The following CCDC7 variants were observed in gnomAD, a reference collection of about 807,000 sequenced individuals.
CCDC7 encodes coiled-coil domain-containing protein 7.
CCDC7 carries 183 observed loss-of-function variants against 196.9 expected under a neutral mutation model. The observed-to-expected ratio is 0.93, with a 90% CI of 0.82 to 1.05. CCDC7 has a LOEUF of 1.05. Among genes scored for constraint, CCDC7 ranks in the 50% least tolerant of loss-of-function variants. CCDC7 has a pLI of 0.00. For synonymous variants in CCDC7, 525 were observed against 484.6 expected, an observed-to-expected ratio of 1.08 and a Z score of -1.10; for missense variants, 1,540 against 1,482.2, an observed-to-expected ratio of 1.04 and a Z score of -0.64.
At chr10:32,572,012 A>G (rs181327116) in intron 16 of CCDC7, 119 bp downstream of exon 17, 1 of 949,020 alleles carries the variant, frequency 1.1e-6, no homozygotes, top group South Asian at 4.4e-5. Context: ...AACTAATTTT[A>G]AGTAGAAAAT....
At chr10:32,535,779 T>C (rs2050388261) in intron 11 of CCDC7, among the ~76,000 whole-genome samples, 1 of 152,202 alleles carries the variant, frequency 6.6e-6, no homozygotes, top group African/African-American at 2.4e-5. Flanking sequence ...AGATATTACG[T>C]TAATTACGTT....
intron 37 of CCDC7, among the ~76,000 whole-genome samples, chr10:32,847,489 A>T (rs1317120273): frequency 1.3e-5 from 2 of 152,140 alleles, no homozygotes; most frequent in Non-Finnish European, 2.9e-5. Context: ...AAGGAAGGTA[A>T]CAGAGATATC....
At chr10:32,800,529 A>C (rs971656577) in intron 29 of CCDC7, among the ~76,000 whole-genome samples, 3 of 152,148 alleles carry the variant, frequency 2.0e-5, no homozygotes, top group African/African-American at 7.2e-5. Flanking sequence ...GGAGGATCAC[A>C]ATAACATTTT....
chr10:32,521,375 C>T (rs2047860924), intron 11 of CCDC7, among the ~76,000 whole-genome samples: 1 of 151,908 alleles, frequency 6.6e-6, no homozygotes, highest in Non-Finnish European at 1.5e-5. Flanking sequence ...ATTTCAATTT[C>T]TTTCATCAGT....
intron 3 of CCDC7, among the ~76,000 whole-genome samples, chr10:32,457,405 C>T (rs991162993): frequency 3.3e-5 from 5 of 151,902 alleles, no homozygotes; most frequent in African/African-American, 1.2e-4. Context: ...CCCTATATGC[C>T]ACATTTTCTT....
At chr10:32,551,857 T>C (rs927758193) in intron 13 of CCDC7, among the ~76,000 whole-genome samples, 3 of 152,190 alleles carry the variant, frequency 2.0e-5, no homozygotes, top group Non-Finnish European at 2.9e-5. Context: ...CGCTGTTGAA[T>C]AGAATGTGTA....
intron 13 of CCDC7, 105 bp downstream of exon 14, chr10:32,544,406 C>CTG (rs913040984): frequency 1.5e-4 from 170 of 1,164,310 alleles, no homozygotes; most frequent in Middle Eastern, 6.4e-4. Flanking sequence ...GTATATATGT[C>CTG]TGTGTGTGTG....
At chr10:32,649,445 C>G (rs1274322495) in intron 20 of CCDC7, among the ~76,000 whole-genome samples, 1 of 152,186 alleles carries the variant, frequency 6.6e-6, no homozygotes, top group Non-Finnish European at 1.5e-5. Flanking sequence ...CTAGCTGCCT[C>G]TAAGGATTTT....
chr10:32,745,821 A>T (rs1249569669), intron 28 of CCDC7, among the ~76,000 whole-genome samples: 1 of 152,188 alleles, frequency 6.6e-6, no homozygotes, highest in Non-Finnish European at 1.5e-5. Context: ...CACCTTGAAA[A>T]TATTGTCATC....
At chr10:32,602,659 A>G (rs1206633546) in intron 18 of CCDC7, among the ~76,000 whole-genome samples, 1 of 152,130 alleles carries the variant, frequency 6.6e-6, no homozygotes, top group African/African-American at 2.4e-5. Context: ...CTCACTAATG[A>G]TGTGACCTTG....
At chr10:32,842,283 G>A (rs1039447365) in intron 33 of CCDC7, among the ~76,000 whole-genome samples, 2 of 151,668 alleles carry the variant, frequency 1.3e-5, no homozygotes. Flanking sequence ...GTGGGCTAAG[G>A]ACATGAATAG....
At chr10:32,744,205 C>A (rs1193028313) in intron 28 of CCDC7, among the ~76,000 whole-genome samples, 1 of 149,322 alleles carries the variant, frequency 6.7e-6, no homozygotes, top group Admixed American at 6.6e-5. Flanking sequence ...AATCTAAGAA[C>A]AAATAATGTG....
chr10:32,658,798 T>A (rs1388071514), intron 20 of CCDC7, among the ~76,000 whole-genome samples: 1 of 152,244 alleles, frequency 6.6e-6, no homozygotes, highest in African/African-American at 2.4e-5. Context: ...CATATTTCTA[T>A]GAATTTATAC....
At position 32,500,595 on chromosome 10, in the gene CCDC7, C is replaced by T. The variant is rs557757033; in HGVS notation, c.872+8598C>T. On this transcript the variant is annotated intron_variant, in intron 9 of 41. Coordinates refer to ENST00000639629, the Ensembl canonical transcript of CCDC7. Reference sequence around the variant, plus strand: ...GCCGGGCAGAGGGGCTCCTCACATCCCAGACGATGGGCGGCCAGGCAGAGA... The same window carrying T: ...GCCGGGCAGAGGGGCTCCTCACATCTCAGACGATGGGCGGCCAGGCAGAGA... Among the ~76,000 whole-genome samples, 4 of 151,474 alleles carry T rather than the reference C, an allele frequency of 2.6e-5. No individual in the cohort carries two copies. The East Asian group carries it at 5.9e-4, about 22-fold the overall frequency.
chr10:32,705,271 G>A (rs1162802289), intron 24 of CCDC7, among the ~76,000 whole-genome samples: 1 of 152,130 alleles, frequency 6.6e-6, no homozygotes, highest in Non-Finnish European at 1.5e-5. Context: ...CAAGTAGTGA[G>A]AGATTTTGTC....
chr10:32,497,443 T>G (rs1315596574), intron 9 of CCDC7, among the ~76,000 whole-genome samples: 9 of 152,190 alleles, frequency 5.9e-5, no homozygotes, highest in Non-Finnish European at 1.2e-4. Context: ...GCTTTTGAAT[T>G]TGTTTGCTCT....
chr10:32,562,437 A>C (rs2055880525), intron 13 of CCDC7, among the ~76,000 whole-genome samples: 1 of 152,232 alleles, frequency 6.6e-6, no homozygotes, highest in Admixed American at 6.5e-5. Context: ...GCAGCACATC[A>C]AAAAGCTTAT....
chr10:32,767,442 T>A (rs1366050263), intron 28 of CCDC7, among the ~76,000 whole-genome samples: 4 of 152,138 alleles, frequency 2.6e-5, no homozygotes, highest in African/African-American at 9.7e-5. Context: ...TTGGCTTCTT[T>A]TAGAAGCAAT....
chr10:32,525,412 A>G (rs540190142), intron 11 of CCDC7, among the ~76,000 whole-genome samples: 219 of 152,162 alleles, frequency 1.4e-3, no homozygotes, highest in Middle Eastern at 0.014. Flanking sequence ...AAATATTTTA[A>G]TCTCTTTGTT....
Sources: allele counts gnomAD v4.1 joint callset (sites outside exome capture counted in the v4.1 genomes callset), GRCh38; gene constraint gnomAD v4.1.1; transcripts MANE v1.5; gene names NCBI Gene and HGNC (gene_info 2026-07-23, HGNC 2026-07-21).